The following TBC1D22A variants were observed in gnomAD, a reference collection of about 807,000 sequenced individuals.
TBC1D22A encodes the protein TBC1 domain family member 22A, also known as putative GTPase activator.
A neutral mutation model predicts 60.2 loss-of-function variants in TBC1D22A; 38 were observed. That is an observed-to-expected ratio of 0.63 (90% CI 0.49 to 0.83). TBC1D22A has a LOEUF of 0.83. Ranked by LOEUF, TBC1D22A falls within the 40% of genes least tolerant of loss-of-function variation. The pLI is 0.00. For synonymous variants in TBC1D22A, 302 were observed against 281.7 expected (o/e 1.07, Z -0.72); for missense variants, 628 against 701.0 (o/e 0.90, Z 1.18).
At chr22:46,853,726 AG>A (rs2087414533) in intron 4 of TBC1D22A, among the ~76,000 whole-genome samples, 1 of 152,164 alleles carries the variant, frequency 6.6e-6, no homozygotes. Flanking sequence ...GAAGAAGGGG[AG>A]CCTGAAGAGG....
chr22:46,970,596 G>A (rs531168745), intron 8 of TBC1D22A, among the ~76,000 whole-genome samples: 95 of 152,286 alleles, frequency 6.2e-4, no homozygotes, highest in South Asian at 1.0e-3. Context: ...GTCGTGCCTC[G>A]TTCCAGTTTG....
chr22:47,030,148 A>G (rs1476868251), intron 10 of TBC1D22A, among the ~76,000 whole-genome samples: 2 of 152,226 alleles, frequency 1.3e-5, no homozygotes, highest in African/African-American at 4.8e-5. Context: ...TTAACTGATT[A>G]GAGAATTGAA....
chr22:46,914,192 T>C (rs1377675561), intron 8 of TBC1D22A: 2 of 152,182 alleles, frequency 1.3e-5, no homozygotes, highest in Non-Finnish European at 2.9e-5. Flanking sequence ...TCCGAGCACT[T>C]AAGGAGGTTG....
intron 11 of TBC1D22A, among the ~76,000 whole-genome samples, chr22:47,060,830 A>G (rs531868907): frequency 6.6e-5 from 10 of 152,272 alleles, no homozygotes; most frequent in African/African-American, 2.4e-4. Flanking sequence ...CTGGTGTCCC[A>G]TGTGTCTGAG....
intron 4 of TBC1D22A, among the ~76,000 whole-genome samples, chr22:46,852,484 G>A (rs1469320926): frequency 6.6e-6 from 1 of 152,134 alleles, no homozygotes; most frequent in East Asian, 1.9e-4. Flanking sequence ...TCTGTATTTG[G>A]GATCCTGATA....
intron 11 of TBC1D22A, among the ~76,000 whole-genome samples, chr22:47,060,240 T>G (rs972432461): frequency 9.7e-5 from 5 of 51,698 alleles, no homozygotes; most frequent in African/African-American, 4.2e-4. Flanking sequence ...GTTTCTGACT[T>G]TTTTTTTTTT....
At chr22:47,083,812 A>G (rs2147577938) in intron 11 of TBC1D22A, among the ~76,000 whole-genome samples, 1 of 152,348 alleles carries the variant, frequency 6.6e-6, no homozygotes, top group South Asian at 2.1e-4. Flanking sequence ...TCAAGGGTAT[A>G]TTAAAACCAC....
chr22:46,945,963 A>G (rs73480767), intron 8 of TBC1D22A, among the ~76,000 whole-genome samples: 3,956 of 152,292 alleles, frequency 0.026, 123 homozygotes, highest in African/African-American at 0.075. Flanking sequence ...CTTTAGAATA[A>G]TTTTTATCAG....
chr22:46,846,008 A>G (rs767505185), intron 4 of TBC1D22A, among the ~76,000 whole-genome samples: 4 of 152,216 alleles, frequency 2.6e-5, no homozygotes, highest in Non-Finnish European at 5.9e-5. Flanking sequence ...GCTTAGGGGT[A>G]AAAAAATTCT....
chr22:46,818,398 T>A (rs141674009), intron 4 of TBC1D22A, among the ~76,000 whole-genome samples: 2,058 of 152,376 alleles, frequency 0.014, 51 homozygotes, highest in African/African-American at 0.046. Flanking sequence ...CATGTAAGTC[T>A]TTAAGCCATC....
chr22:46,986,253 C>T (rs141994415), intron 9 of TBC1D22A, among the ~76,000 whole-genome samples: 11 of 152,308 alleles, frequency 7.2e-5, no homozygotes, highest in African/African-American at 2.6e-4. Flanking sequence ...CATTGACGTA[C>T]AAATGGATCT....
intron 9 of TBC1D22A, among the ~76,000 whole-genome samples, chr22:46,986,880 G>A (rs779786582): frequency 5.9e-5 from 9 of 152,154 alleles, no homozygotes; most frequent in Non-Finnish European, 1.2e-4. Flanking sequence ...GCTGATTTGC[G>A]CACCATGATG....
intron 5 of TBC1D22A, among the ~76,000 whole-genome samples, chr22:46,880,356 T>A (rs1315452012): frequency 2.0e-5 from 3 of 151,914 alleles, no homozygotes; most frequent in African/African-American, 7.3e-5. Context: ...AGCAGAGGAG[T>A]GACTTTGAAT....
chr22:46,762,665 C>A lies in TBC1D22A; in HGVS notation c.-122C>A. On this transcript the variant is annotated 5_prime_UTR_variant, in exon 1 of 13. Transcript: ENST00000337137. ...GGAAGGAGGCGGAAGAGCTTCTCGG[C>A]TCTAGGCTCTGGAGTCCCGGGAGCA... 2 of 822,772 alleles carry A rather than the reference C, an allele frequency of 2.4e-6. No individual in the cohort carries two copies. Among genetic ancestry groups the A allele is most frequent in the Non-Finnish European group, 3.5e-6 (2 of 575,774 alleles). 51.0% of individuals were successfully genotyped at this position (822,772 alleles called of 1,614,324 possible). A position where few individuals can be genotyped will look rare whatever the true frequency, so the allele number is the denominator to read the frequency against.
chr22:47,062,130 C>G (rs1200667231), intron 11 of TBC1D22A, among the ~76,000 whole-genome samples: 1 of 148,230 alleles, frequency 6.7e-6, no homozygotes. Context: ...AATGTCAGTC[C>G]TCCGCCCCCT....
intron 12 of TBC1D22A, among the ~76,000 whole-genome samples, chr22:47,150,109 C>G (rs1041199729): frequency 6.6e-6 from 1 of 152,154 alleles, no homozygotes; most frequent in African/African-American, 2.4e-5. Context: ...TTCTCCAAGC[C>G]TGTTAGAGTC....
At chr22:46,961,665 G>C (rs2073510887) in intron 8 of TBC1D22A, among the ~76,000 whole-genome samples, 1 of 152,206 alleles carries the variant, frequency 6.6e-6, no homozygotes, top group Admixed American at 6.5e-5. Flanking sequence ...TAATTTGTTT[G>C]ATGGAGACCA....
At chr22:46,994,568 G>T (rs550405221) in intron 9 of TBC1D22A, among the ~76,000 whole-genome samples, 1 of 152,226 alleles carries the variant, frequency 6.6e-6, no homozygotes, top group East Asian at 1.9e-4. Context: ...GGAAGAGATC[G>T]CAGTCCCTCA....
At chr22:46,805,492 T>A (rs1490707357) in intron 4 of TBC1D22A, among the ~76,000 whole-genome samples, 1 of 152,190 alleles carries the variant, frequency 6.6e-6, no homozygotes, top group Admixed American at 6.5e-5. Context: ...AAGCTCCAAG[T>A]CACTTGACCT....
Sources: gnomAD v4.1 joint callset for allele counts (sites outside exome capture counted in the v4.1 genomes callset) on GRCh38, gnomAD v4.1.1 for gene constraint, MANE v1.5 for transcripts, NCBI Gene and HGNC (gene_info 2026-07-23, HGNC 2026-07-21) for gene names.